CBR4: variants seen among roughly 807,000 people sequenced by gnomAD.
The protein encoded by CBR4 is 3-oxoacyl-[acyl-carrier-protein] reductase.
In CBR4, 22 loss-of-function variants were observed where a neutral mutation model predicts 21.0. The ratio of observed to expected loss-of-function variants is 1.05; its 90% CI spans 0.75 to 1.50. The LOEUF is 1.50. Ranked by LOEUF, CBR4 falls within the 40% of genes most tolerant of loss-of-function variation. The probability of loss-of-function intolerance (pLI) is 0.00; values close to 1 mark genes in which losing one functional copy is unlikely to be tolerated. For synonymous variants in CBR4, 100 were observed against 104.4 expected (o/e 0.96, Z 0.26); for missense variants, 302 against 286.3 (o/e 1.05, Z -0.40).
chr4:169,008,877 A>G (rs1330565275), intron 1 of CBR4: 5 of 421,306 alleles, frequency 1.2e-5, no homozygotes, highest in South Asian at 5.1e-5. Flanking sequence ...AGAGAGCCCA[A>G]TAGTCTCCCA....
chr4:168,896,682 A>G lies in CBR4; in HGVS notation n.170-1917T>C, dbSNP rs1396814751. On this transcript the variant is annotated intron_variant and non_coding_transcript_variant, in intron 2 of 3. Coordinates refer to the CBR4 transcript ENST00000509108. ...TTCTTCCTGTTTTACGTGTGTTTCT[A>G]TCTTTTCTGCCATATATTAATTATA... is the stretch of plus-strand genomic sequence containing the variant. 9.2e-6 allele frequency: 7 copies of G among 759,300 alleles called. No individual in the cohort carries two copies. The Admixed American group carries it at 1.2e-4, about 13-fold the overall frequency. The allele number at this position is 759,300 out of a possible 1,614,324, so 47.0% of individuals were successfully genotyped here. A position where few individuals can be genotyped will look rare whatever the true frequency, so the allele number is the denominator to read the frequency against.
intron 2 of CBR4, among the ~76,000 whole-genome samples, chr4:168,948,064 G>A (rs989165986): frequency 2.6e-5 from 4 of 152,226 alleles, no homozygotes; most frequent in African/African-American, 9.6e-5. Context: ...TTTCATTATG[G>A]CCATTCTTGC....
intron 4 of CBR4, among the ~76,000 whole-genome samples, chr4:168,993,649 T>C (rs1229691761): frequency 6.6e-6 from 1 of 152,208 alleles, no homozygotes; most frequent in African/African-American, 2.4e-5. Context: ...ATAGACACAA[T>C]TATCCTTTAA....
chr4:168,914,280 CAAAT>C (rs1759653316), intron 2 of CBR4, among the ~76,000 whole-genome samples: 2 of 152,088 alleles, frequency 1.3e-5, no homozygotes, highest in Admixed American at 6.5e-5. Context: ...ATTTTATAGA[CAAAT>C]AAATCAAGAC....
intron 1 of CBR4, among the ~76,000 whole-genome samples, chr4:169,008,313 C>G (rs1302125641): frequency 1.3e-5 from 2 of 151,598 alleles, no homozygotes; most frequent in African/African-American, 4.8e-5. Flanking sequence ...AACTACAAAC[C>G]ACGGGGGGAA....
In CBR4 at chr4:168,989,246, T is replaced by G. The variant is rs574976093; in HGVS notation, c.*904A>C. 4.1e-6 allele frequency: 4 copies of G among 980,530 alleles called. No individual in the cohort carries two copies. The East Asian group carries it at 4.6e-4, about 112-fold the overall frequency. The allele number at this position is 980,530 out of a possible 1,614,324, so 60.7% of individuals were successfully genotyped here. On this transcript the variant is annotated 3_prime_UTR_variant, in exon 5 of 5. Coordinates refer to ENST00000306193, the MANE Select transcript of CBR4 (RefSeq NM_032783.5). The stretch of plus-strand genomic sequence containing the variant: ...TGTTGTATTTCTCGTTTTTAAATAT[T>G]AATAGTTCACTATTCTAAGTTTTTC...
chr4:168,994,158 AGAT>A (rs1765064102), intron 4 of CBR4, among the ~76,000 whole-genome samples: 1 of 152,254 alleles, frequency 6.6e-6, no homozygotes, highest in South Asian at 2.1e-4. Context: ...TTCTTTCTAT[AGAT>A]GATAGATTAA....
chr4:168,938,966 T>C (rs1364616376), intron 2 of CBR4, among the ~76,000 whole-genome samples: 1 of 152,132 alleles, frequency 6.6e-6, no homozygotes, highest in African/African-American at 2.4e-5. Context: ...ATCATCCTGA[T>C]ACCAAAACCT....
Position 168,938,888 on chromosome 4 carries a change from T to C in CBR4, n.170-44123A>G, listed in dbSNP as rs918119431. ...AGGTACAAAGAAGAACTGGTACCAT[T>C]CCTTCTGAAACTATTCTAAACAATA... On this transcript the variant is annotated intron_variant and non_coding_transcript_variant, in intron 2 of 3. Transcript: ENST00000509108. Among the ~76,000 whole-genome samples the C allele has an allele frequency of 2.0e-5, 3 of 152,174 alleles. No individual in the cohort carries two copies. In the South Asian group the frequency reaches 6.2e-4, roughly 32 times the overall value.
chr4:168,925,122 T>C (rs757633595), intron 2 of CBR4: 2 of 1,608,216 alleles, frequency 1.2e-6, no homozygotes, highest in East Asian at 2.2e-5. Flanking sequence ...ACTCATTAAA[T>C]TATGAAAAAT....
intron 2 of CBR4, among the ~76,000 whole-genome samples, chr4:168,944,999 C>T (rs1485367105): frequency 6.6e-6 from 1 of 152,156 alleles, no homozygotes; most frequent in Non-Finnish European, 1.5e-5. Context: ...AAAGAGTTTG[C>T]CTACTTCACT....
chr4:168,912,547 T>C (rs1759197630), intron 2 of CBR4, among the ~76,000 whole-genome samples: 1 of 152,250 alleles, frequency 6.6e-6, no homozygotes, highest in Non-Finnish European at 1.5e-5. Flanking sequence ...GAGTATTACT[T>C]GTCTGTTCAC....
intron 2 of CBR4, chr4:168,898,490 C>G (rs773752210): frequency 6.2e-7 from 1 of 1,601,844 alleles, no homozygotes; most frequent in East Asian, 2.2e-5. Context: ...TTCCTTGATT[C>G]AGGAATACAA....
intron 2 of CBR4, among the ~76,000 whole-genome samples, chr4:168,917,152 G>C (rs994885720): frequency 6.7e-6 from 1 of 150,302 alleles, no homozygotes; most frequent in African/African-American, 2.5e-5. Context: ...AGGTTCAAGT[G>C]ATTCTCCTGC....
At position 169,006,900 on chromosome 4, in the gene CBR4, A is replaced by C. The variant is rs1170298360; in HGVS notation, c.264-9T>G. Reference sequence around the variant, plus strand: ...TTACTAAAAGACCATCCCTACAAAAAGAAACAGCATATAATAGCATATAAT... The same window carrying C: ...TTACTAAAAGACCATCCCTACAAAACGAAACAGCATATAATAGCATATAAT... On this transcript the variant is annotated splice_polypyrimidine_tract_variant and intron_variant, in intron 2 of 4. Transcript: ENST00000306193. The C allele has an allele frequency of 1.2e-6, 2 of 1,606,900 alleles. No homozygotes were observed. Among genetic ancestry groups the C allele is most frequent in the South Asian group, 2.2e-5 (2 of 90,916 alleles).
At chr4:168,981,829 G>A (rs1028738548) in intron 2 of CBR4, among the ~76,000 whole-genome samples, 2 of 152,096 alleles carry the variant, frequency 1.3e-5, no homozygotes, top group Admixed American at 6.5e-5. Context: ...CATAAGTGAA[G>A]GAAAAATTAA....
chr4:168,979,374 C>A (rs1047548999), intron 2 of CBR4, among the ~76,000 whole-genome samples: 1 of 152,158 alleles, frequency 6.6e-6, no homozygotes, highest in African/African-American at 2.4e-5. Flanking sequence ...AGCACAGCTC[C>A]TTTATAGAAA....
At chr4:169,001,838 T>C (rs989912611) in intron 4 of CBR4, 7 of 273,978 alleles carry the variant, frequency 2.6e-5, no homozygotes, top group African/African-American at 1.1e-4. Context: ...CTCTTTTTTT[T>C]ATGAATTACC....
chr4:168,938,491 C>T (rs774554807), intron 2 of CBR4, among the ~76,000 whole-genome samples: 37 of 151,914 alleles, frequency 2.4e-4, no homozygotes, highest in Admixed American at 2.0e-3. Context: ...GATAGAGACA[C>T]GAAAAATCCT....
Sources: allele counts gnomAD v4.1 joint callset (sites outside exome capture counted in the v4.1 genomes callset), GRCh38; gene constraint gnomAD v4.1.1; transcripts MANE v1.5; gene names NCBI Gene and HGNC (gene_info 2026-07-23, HGNC 2026-07-21).